The following SCO1 variants were observed in gnomAD, a reference collection of about 807,000 sequenced individuals.
The protein encoded by SCO1 is cytochrome c oxidase assembly factor SCO1.
Under a neutral mutation model 34.0 loss-of-function variants are expected in SCO1, and 23 were observed. The ratio of observed to expected loss-of-function variants is 0.68; its 90% confidence interval spans 0.49 to 0.96. The LOEUF (loss-of-function observed/expected upper bound fraction) is 0.96. Ranked by LOEUF, SCO1 falls within the 40% of genes least tolerant of loss-of-function variation. The probability of loss-of-function intolerance (pLI) is 0.00; values close to 1 mark genes in which losing one functional copy is unlikely to be tolerated. For missense variants in SCO1, 404 were observed against 381.6 expected, an observed-to-expected ratio of 1.06 and a Z score of -0.49; for synonymous variants, 161 against 145.5, an observed-to-expected ratio of 1.11 and a Z score of -0.77.
At chr17:10,687,269 T>C (rs1477440114) in intron 4 of SCO1, among the ~76,000 whole-genome samples, 2 of 152,342 alleles carry the variant, frequency 1.3e-5, no homozygotes, top group African/African-American at 2.4e-5. Context: ...CTGTGTCTTA[T>C]TTTCCTGCAA....
Position 10,681,267 on chromosome 17 carries a change from G to A in SCO1, c.772-14C>T. 1 of 1,613,622 alleles carries A rather than the reference G, an allele frequency of 6.2e-7. No homozygotes were observed. The highest frequency in any genetic ancestry group is 8.5e-7 in the Non-Finnish European group (1 of 1,179,798). On this transcript the variant is annotated splice_polypyrimidine_tract_variant and intron_variant, in intron 5 of 5. Coordinates refer to ENST00000255390, the MANE Select transcript of SCO1 (RefSeq NM_004589.4). ...TGTGTGATCCACCTGCAGAGAAAAG[G>A]GGGGAGAGTGTGACAAAGATTACCA...
chr17:10,697,233 A>T lies in SCO1; in HGVS notation c.273+2T>A. 3 of 1,549,260 alleles carry T rather than the reference A, an allele frequency of 1.9e-6. No homozygotes were observed. The highest frequency in any genetic ancestry group is 2.6e-6 in the Non-Finnish European group (3 of 1,147,526). Reference sequence around the variant, plus strand: ...CCAGAAGGGTTCCAGGTGTGCACTCACCCCGGGCTTCGAGGGGCGCGTGGA... The same window carrying T: ...CCAGAAGGGTTCCAGGTGTGCACTCTCCCCGGGCTTCGAGGGGCGCGTGGA... On this transcript the variant is annotated splice_donor_variant, in intron 1 of 5. Coordinates refer to ENST00000255390, the MANE Select transcript of SCO1 (RefSeq NM_004589.4). LOFTEE classifies it high-confidence loss of function.
chr17:10,692,412 T>C (rs1253185788), intron 3 of SCO1, among the ~76,000 whole-genome samples: 1 of 152,174 alleles, frequency 6.6e-6, no homozygotes, highest in Non-Finnish European at 1.5e-5. Context: ...CTAGTACTAG[T>C]AAAATGCCAC....
chr17:10,696,141 T>C (rs1003094368), intron 1 of SCO1, among the ~76,000 whole-genome samples: 3 of 141,548 alleles, frequency 2.1e-5, no homozygotes, highest in African/African-American at 5.2e-5. Context: ...CTAGCTCCAG[T>C]AATGACTTTA....
intron 1 of SCO1, among the ~76,000 whole-genome samples, chr17:10,696,071 TAAAAAAAAAA>T (rs869243005): frequency 2.7e-5 from 2 of 72,996 alleles, no homozygotes; most frequent in East Asian, 1.0e-3. Flanking sequence ...TTCATGTAAA[TAAAAAAAAAA>T]AAAAAAAAAA....
At chr17:10,694,478 C>A (rs2074709991) in intron 2 of SCO1, among the ~76,000 whole-genome samples, 2 of 152,100 alleles carry the variant, frequency 1.3e-5, no homozygotes, top group Admixed American at 1.3e-4. Flanking sequence ...ATTATCTGAA[C>A]ACTGAACAGC....
rs2074607029 is a variant in SCO1, at chr17:10,679,539, T to C, written c.*1580A>G. On this transcript the variant is annotated 3_prime_UTR_variant, in exon 6 of 6. Coordinates refer to ENST00000255390, the MANE Select transcript of SCO1 (RefSeq NM_004589.4). ...AACATATCATGTAAAAAGAATCTGT[T>C]GTCTATCTAGGCATTATATTTGTTG... 1 of 152,158 alleles carries C rather than the reference T, an allele frequency of 6.6e-6. No individual in the cohort carries two copies. The highest frequency in any genetic ancestry group is 2.4e-5 in the African/African-American group (1 of 41,428). The allele number at this position is 152,158 out of a possible 1,614,324, so 9.4% of individuals were successfully genotyped here.
At chr17:10,681,534 C>T (rs1471874877) in intron 5 of SCO1, among the ~76,000 whole-genome samples, 1 of 152,214 alleles carries the variant, frequency 6.6e-6, no homozygotes, top group East Asian at 1.9e-4. Context: ...CCCACACACT[C>T]TGAGAAAAGA....
intron 5 of SCO1, 41 bp downstream of exon 5, chr17:10,686,686 T>C: frequency 1.7e-5 from 20 of 1,198,042 alleles, no homozygotes; most frequent in Non-Finnish European, 2.5e-5. Flanking sequence ...ATTTGGGATC[T>C]GGGAGCTGGT....
intron 1 of SCO1, among the ~76,000 whole-genome samples, chr17:10,696,681 A>G (rs2074730050): frequency 6.6e-6 from 1 of 151,512 alleles, no homozygotes; most frequent in Non-Finnish European, 1.5e-5. Context: ...CAACTAGACT[A>G]GGCCTAACTC....
Position 10,681,020 on chromosome 17 carries a change from A to C in SCO1, c.*99T>G. On this transcript the variant is annotated 3_prime_UTR_variant, in exon 6 of 6. Coordinates refer to ENST00000255390, the MANE Select transcript of SCO1 (RefSeq NM_004589.4). ...TCTCATGGTATGAAGGCCATTCTGT[A>C]GAGTGCACGTATATATGTTTATATT... 3.7e-5 allele frequency: 49 copies of C among 1,317,506 alleles called. No homozygotes were observed. The highest frequency in any genetic ancestry group is 5.0e-5 in the Non-Finnish European group (46 of 912,226). 81.6% of individuals were successfully genotyped at this position (1,317,506 alleles called of 1,614,324 possible).
intron 5 of SCO1, among the ~76,000 whole-genome samples, chr17:10,684,732 T>C (rs963079815): frequency 6.6e-6 from 1 of 152,252 alleles, no homozygotes; most frequent in African/African-American, 2.4e-5. Context: ...TGAGCTCATC[T>C]ATTCCTGCTG....
chr17:10,681,001 G>T lies in SCO1; in HGVS notation c.*118C>A. 1 of 1,204,524 alleles carries T rather than the reference G, an allele frequency of 8.3e-7. No homozygotes were observed. Among genetic ancestry groups the T allele is most frequent in the Non-Finnish European group, 1.2e-6 (1 of 813,412 alleles). The allele number at this position is 1,204,524 out of a possible 1,614,324, so 74.6% of individuals were successfully genotyped here. A position where few individuals can be genotyped will look rare whatever the true frequency, so the allele number is the denominator to read the frequency against. On this transcript the variant is annotated 3_prime_UTR_variant, in exon 6 of 6. Transcript: ENST00000255390. ...CCATCCAAAACAGAAATGTTCTCATGGTATGAAGGCCATTCTGTAGAGTGC... is the reference window on the plus strand; with the variant it reads ...CCATCCAAAACAGAAATGTTCTCATTGTATGAAGGCCATTCTGTAGAGTGC...
Position 10,674,395 on chromosome 17 carries a change from C to T in SCO1, c.*6724G>A. On this transcript the variant is annotated 3_prime_UTR_variant, in exon 6 of 6. Transcript: ENST00000255390. The stretch of plus-strand genomic sequence containing the variant: ...GAGCCAAGATCGCACCACTGCTCTC[C>T]AGCCTAGGCAACAAGAGCGAAACTC... 1 of 255,304 alleles carries T rather than the reference C, an allele frequency of 3.9e-6. No individual in the cohort carries two copies. The highest frequency in any genetic ancestry group is 7.8e-6 in the Non-Finnish European group (1 of 128,440). 15.8% of individuals were successfully genotyped at this position (255,304 alleles called of 1,614,324 possible). A position where few individuals can be genotyped will look rare whatever the true frequency, so the allele number is the denominator to read the frequency against.
intron 4 of SCO1, among the ~76,000 whole-genome samples, chr17:10,691,166 C>T (rs1436205313): frequency 2.0e-5 from 3 of 152,218 alleles, no homozygotes; most frequent in Non-Finnish European, 4.4e-5. Context: ...GTTGCCCAGG[C>T]TGAAGATCAG....
At position 10,673,979 on chromosome 17, in the gene SCO1, C is replaced by T. The variant is rs1001980798; in HGVS notation, c.*7140G>A. 3 of 152,186 alleles carry T rather than the reference C, an allele frequency of 2.0e-5. No individual in the cohort carries two copies. The highest frequency in any genetic ancestry group is 7.2e-5 in the African/African-American group (3 of 41,450). 9.4% of individuals were successfully genotyped at this position (152,186 alleles called of 1,614,324 possible). On this transcript the variant is annotated 3_prime_UTR_variant, in exon 6 of 6. Coordinates refer to ENST00000255390, the MANE Select transcript of SCO1 (RefSeq NM_004589.4). The stretch of plus-strand genomic sequence containing the variant: ...GGAGCGAAATTAAATAAAGAGCTTC[C>T]TGGAGGGGGAAAGATTACTTAATTC...
chr17:10,691,533 A>G (rs1473116937), intron 4 of SCO1, among the ~76,000 whole-genome samples: 1 of 152,202 alleles, frequency 6.6e-6, no homozygotes, highest in Non-Finnish European at 1.5e-5. Context: ...GTTTGTTCTG[A>G]TTTTACAATG....
At chr17:10,688,327 C>T (rs1464723638) in intron 4 of SCO1, among the ~76,000 whole-genome samples, 4 of 152,064 alleles carry the variant, frequency 2.6e-5, no homozygotes, top group Non-Finnish European at 4.4e-5. Context: ...CCATAAAAAG[C>T]GGTCAAAAGA....
intron 3 of SCO1, among the ~76,000 whole-genome samples, chr17:10,692,542 C>T (rs1291738276): frequency 1.3e-5 from 2 of 152,178 alleles, no homozygotes; most frequent in African/African-American, 4.8e-5. Flanking sequence ...GGAGACCACA[C>T]TGACATTTTT....
Sources: gnomAD v4.1 joint callset for allele counts (sites outside exome capture counted in the v4.1 genomes callset) on GRCh38, gnomAD v4.1.1 for gene constraint, MANE v1.5 for transcripts, NCBI Gene and HGNC (gene_info 2026-07-23, HGNC 2026-07-21) for gene names.